GDPD1: variants seen among roughly 807,000 people sequenced by gnomAD.
GDPD1 encodes the protein lysophospholipase D GDPD1.
Under a neutral mutation model 45.1 loss-of-function variants are expected in GDPD1, and 28 were observed. The observed-to-expected ratio is 0.62, with a 90% CI of 0.46 to 0.85. GDPD1 has a LOEUF of 0.85. Ranked by LOEUF, GDPD1 falls within the 40% of genes least tolerant of loss-of-function variation. The pLI, the probability that GDPD1 is intolerant of heterozygous loss-of-function variation, is 0.00. For missense variants in GDPD1, 256 were observed against 364.8 expected, an observed-to-expected ratio of 0.70 and a Z score of 2.43; for synonymous variants, 139 against 131.4, an observed-to-expected ratio of 1.06 and a Z score of -0.40.
At chr17:59,264,265 G>T (rs933196822) in intron 6 of GDPD1, among the ~76,000 whole-genome samples, 1 of 151,862 alleles carries the variant, frequency 6.6e-6, no homozygotes, top group Non-Finnish European at 1.5e-5. Flanking sequence ...CTCCCAAAGT[G>T]TCGGGATTAC....
At chr17:59,233,301 C>A (rs1340245917) in intron 1 of GDPD1, among the ~76,000 whole-genome samples, 2 of 152,104 alleles carry the variant, frequency 1.3e-5, no homozygotes, top group East Asian at 3.8e-4. Context: ...ATCACGAGGT[C>A]AGGAAATGGA....
At chr17:59,230,950 A>C (rs142396036) in intron 1 of GDPD1, among the ~76,000 whole-genome samples, 1 of 152,356 alleles carries the variant, frequency 6.6e-6, no homozygotes, top group Middle Eastern at 3.4e-3. Flanking sequence ...ATGCTGATGT[A>C]GCAGGCATGC....
intron 2 of GDPD1, among the ~76,000 whole-genome samples, chr17:59,240,399 G>A (rs999579625): frequency 3.9e-5 from 6 of 152,044 alleles, no homozygotes; most frequent in East Asian, 1.9e-4. Flanking sequence ...TGTGTTTTAA[G>A]GTATTATTAC....
intron 2 of GDPD1, among the ~76,000 whole-genome samples, chr17:59,240,083 G>GA (rs2047163897): frequency 2.0e-5 from 3 of 152,222 alleles, no homozygotes; most frequent in African/African-American, 7.2e-5. Flanking sequence ...AGGAGGGCAG[G>GA]AGTTCGAGAC....
At chr17:59,261,912 G>GTTTTTTTT (rs1568349072) in intron 6 of GDPD1, among the ~76,000 whole-genome samples, 27 of 98,902 alleles carry the variant, frequency 2.7e-4, no homozygotes, top group African/African-American at 5.8e-4. Flanking sequence ...GAGATTACAG[G>GTTTTTTTT]CTTTTTTTTT....
At chr17:59,271,729 G>C (rs1433633333) in intron 8 of GDPD1, among the ~76,000 whole-genome samples, 1 of 149,970 alleles carries the variant, frequency 6.7e-6, no homozygotes, top group Non-Finnish European at 1.5e-5. Context: ...CGCTTCCTGG[G>C]TTCAAGTGAT....
At chr17:59,257,008 A>G (rs1350768959) in intron 4 of GDPD1, 114 bp from the exon 5 acceptor site, 2 of 513,400 alleles carry the variant, frequency 3.9e-6, no homozygotes, top group East Asian at 3.3e-5. Context: ...TTTCTTCTCT[A>G]TACTTTTCCT....
intron 2 of GDPD1, among the ~76,000 whole-genome samples, chr17:59,241,245 A>C (rs1429468992): frequency 1.3e-5 from 2 of 152,228 alleles, no homozygotes; most frequent in Non-Finnish European, 2.9e-5. Context: ...TGTTGTAAGA[A>C]TACAGGAGTA....
chr17:59,257,190 A>T lies in GDPD1; in HGVS notation c.436A>T (p.Thr146Ser). The T allele has an allele frequency of 6.2e-7, 1 of 1,605,434 alleles. No individual in the cohort carries two copies. Among genetic ancestry groups the T allele is most frequent in the Non-Finnish European group, 8.5e-7 (1 of 1,175,858 alleles). ...GGAAGTTTTTGAGGCCTTTCCTAAC[A>T]CTCCCATTAACATCGATATCAAAGT... ...LKEVFEAFPN[T>S]PINIDIKVNN... The change falls in exon 5 of 10, where the codon ACT (threonine) becomes TCT (serine). Residue 146 changes from threonine to serine, a missense_variant. By Grantham distance (58) the Thr-to-Ser change is moderately conservative. Transcript: ENST00000284116.
At chr17:59,259,959 G>A (rs943736142) in intron 6 of GDPD1, among the ~76,000 whole-genome samples, 1 of 145,558 alleles carries the variant, frequency 6.9e-6, no homozygotes, top group Non-Finnish European at 1.5e-5. Flanking sequence ...TACTTGGGAA[G>A]CTGAGGTGGA....
At chr17:59,245,045 T>G (rs941095054) in intron 2 of GDPD1, among the ~76,000 whole-genome samples, 2 of 152,190 alleles carry the variant, frequency 1.3e-5, no homozygotes, top group African/African-American at 4.8e-5. Flanking sequence ...GTCTTGTTAT[T>G]TAATCCTTTC....
intron 6 of GDPD1, among the ~76,000 whole-genome samples, chr17:59,264,966 G>T (rs572434709): frequency 6.6e-6 from 1 of 151,592 alleles, no homozygotes; most frequent in South Asian, 2.1e-4. Flanking sequence ...TCAGCCTCCC[G>T]AGTAGCTGGG....
chr17:59,270,431 T>C (rs984689764), intron 7 of GDPD1, among the ~76,000 whole-genome samples: 1 of 151,908 alleles, frequency 6.6e-6, no homozygotes, highest in Non-Finnish European at 1.5e-5. Context: ...ACTTCTGAAC[T>C]CAGGTGATGC....
Position 59,257,175 on chromosome 17 carries a change from G to A in GDPD1, c.421G>A (p.Glu141Lys). Reference sequence around the variant, plus strand: ...AATTCCATTACTGAAGGAAGTTTTTGAGGCCTTTCCTAACACTCCCATTAA... The same window carrying A: ...AATTCCATTACTGAAGGAAGTTTTTAAGGCCTTTCCTAACACTCCCATTAA... The part of the protein sequence containing the change: ...NRIPLLKEVF[E>K]AFPNTPINID... The change falls in exon 5 of 10, where the codon GAG (glutamate) becomes AAG (lysine). Residue 141 changes from glutamate to lysine, a missense_variant. Transcript: ENST00000284116. The A allele has an allele frequency of 6.2e-7, 1 of 1,608,936 alleles. No homozygotes were observed. The highest frequency in any genetic ancestry group is 8.5e-7 in the Non-Finnish European group (1 of 1,177,628).
chr17:59,240,152 G>A (rs907702858), intron 2 of GDPD1, among the ~76,000 whole-genome samples: 7 of 151,984 alleles, frequency 4.6e-5, no homozygotes, highest in African/African-American at 7.2e-5. Flanking sequence ...ATTAGTTGGC[G>A]TGGTGATGCG....
chr17:59,220,789 G>A (rs751993228), intron 1 of GDPD1, 38 bp downstream of exon 1: 1 of 1,602,522 alleles, frequency 6.2e-7, no homozygotes, highest in South Asian at 1.1e-5. Context: ...CGGAGGTGGG[G>A]GAGGCTGAGG....
At chr17:59,273,105 G>T in intron 9 of GDPD1, 1 of 269,546 alleles carries the variant, frequency 3.7e-6, no homozygotes, top group Non-Finnish European at 6.4e-6. Context: ...ATAAATATAT[G>T]TATGTATATT....
At chr17:59,263,994 AATTTT>A (rs1221591898) in intron 6 of GDPD1, among the ~76,000 whole-genome samples, 3 of 151,656 alleles carry the variant, frequency 2.0e-5, no homozygotes, top group Admixed American at 1.3e-4. Flanking sequence ...TTTTTAATTT[AATTTT>A]ATTTTATTTT....
intron 1 of GDPD1, among the ~76,000 whole-genome samples, chr17:59,230,635 G>T (rs529529649): frequency 6.6e-6 from 1 of 152,084 alleles, no homozygotes; most frequent in East Asian, 1.9e-4. Flanking sequence ...GCCTGCCTCA[G>T]CCTCCCAAAG....
Sources: allele counts gnomAD v4.1 joint callset (sites outside exome capture counted in the v4.1 genomes callset), GRCh38; gene constraint gnomAD v4.1.1; transcripts MANE v1.5; gene names NCBI Gene and HGNC (gene_info 2026-07-23, HGNC 2026-07-21).